GPM6A: variants seen among roughly 807,000 people sequenced by gnomAD.
The protein encoded by GPM6A is glycoprotein M6A.
A neutral mutation model predicts 32.1 loss-of-function variants in GPM6A; 7 were observed. The ratio of observed to expected loss-of-function variants is 0.22; its 90% confidence interval spans 0.12 to 0.41. The LOEUF (loss-of-function observed/expected upper bound fraction) is 0.41. GPM6A is among the 10% of genes least tolerant of loss of function. GPM6A has a pLI of 1.00. For missense variants in GPM6A, 235 were observed against 347.2 expected (o/e 0.68, Z 2.57); for synonymous variants, 130 against 123.4 (o/e 1.05, Z -0.35).
At chr4:175,642,635 T>C (rs1741215114) in intron 4 of GPM6A, among the ~76,000 whole-genome samples, 1 of 152,176 alleles carries the variant, frequency 6.6e-6, no homozygotes, top group South Asian at 2.1e-4. Context: ...GTTTTTGCCT[T>C]TCTGATCTCA....
At chr4:175,740,589 T>G (rs184474557) in intron 1 of GPM6A, among the ~76,000 whole-genome samples, 1 of 152,160 alleles carries the variant, frequency 6.6e-6, no homozygotes, top group Non-Finnish European at 1.5e-5. Context: ...TAGTGATACA[T>G]TTTGAGCTCT....
At chr4:175,697,445 G>A (rs1022275456) in intron 2 of GPM6A, among the ~76,000 whole-genome samples, 3 of 152,252 alleles carry the variant, frequency 2.0e-5, no homozygotes, top group East Asian at 3.9e-4. Context: ...GCAGAAAGCG[G>A]CAGAGCTGTT....
At chr4:175,999,773 G>A (rs1741418199) in intron 1 of GPM6A, among the ~76,000 whole-genome samples, 1 of 152,004 alleles carries the variant, frequency 6.6e-6, no homozygotes, top group African/African-American at 2.4e-5. Context: ...AAAAAAACTG[G>A]ATTCCATTTG....
chr4:175,759,847 A>G (rs989386205), intron 1 of GPM6A, among the ~76,000 whole-genome samples: 14 of 152,178 alleles, frequency 9.2e-5, no homozygotes, highest in African/African-American at 3.1e-4. Flanking sequence ...ATTATCTTTT[A>G]TAGACTATTA....
At chr4:175,886,459 AAG>A (rs1444862872) in intron 1 of GPM6A, among the ~76,000 whole-genome samples, 3 of 152,136 alleles carry the variant, frequency 2.0e-5, no homozygotes, top group Non-Finnish European at 4.4e-5. Context: ...ACCAACCCTG[AAG>A]GAGTTCCTAA....
At chr4:175,970,839 G>A (rs769666690) in intron 1 of GPM6A, 5 of 454,474 alleles carry the variant, frequency 1.1e-5, no homozygotes, top group Non-Finnish European at 2.2e-5. Context: ...GTCAGAAGAA[G>A]AAATCTTCCG....
chr4:175,857,370 A>T (rs1384450480), intron 1 of GPM6A, among the ~76,000 whole-genome samples: 1 of 152,226 alleles, frequency 6.6e-6, no homozygotes, highest in Non-Finnish European at 1.5e-5. Flanking sequence ...TATGTGAAGA[A>T]GTACAAAACC....
chr4:175,925,587 C>CATT (rs200173495), intron 1 of GPM6A, among the ~76,000 whole-genome samples: 5,245 of 151,962 alleles, frequency 0.035, 322 homozygotes, highest in African/African-American at 0.12. Flanking sequence ...AAATGTTCAT[C>CATT]GACAAAAAAT....
At chr4:175,657,241 G>A (rs1402432149) in intron 3 of GPM6A, among the ~76,000 whole-genome samples, 1 of 152,190 alleles carries the variant, frequency 6.6e-6, no homozygotes, top group Non-Finnish European at 1.5e-5. Context: ...AAATAGTTCA[G>A]AGTTTAATAA....
chr4:175,891,551 A>G (rs916469161), intron 1 of GPM6A: 3 of 152,224 alleles, frequency 2.0e-5, no homozygotes, highest in South Asian at 2.1e-4. Context: ...ATTCTCCATC[A>G]TCGAAATGTA....
intron 3 of GPM6A, among the ~76,000 whole-genome samples, chr4:175,657,581 C>T (rs948769007): frequency 2.0e-5 from 3 of 152,058 alleles, no homozygotes; most frequent in Non-Finnish European, 4.4e-5. Flanking sequence ...AGATGATAAG[C>T]CAGACACACC....
At chr4:175,933,398 G>A (rs796959631) in intron 1 of GPM6A, among the ~76,000 whole-genome samples, 19 of 152,248 alleles carry the variant, frequency 1.2e-4, no homozygotes, top group African/African-American at 3.9e-4. Flanking sequence ...CTGCTGTTGA[G>A]GATGTACAAT....
chr4:175,664,995 TG>T (rs1400701800), intron 3 of GPM6A, among the ~76,000 whole-genome samples: 1 of 152,190 alleles, frequency 6.6e-6, no homozygotes, highest in Non-Finnish European at 1.5e-5. Flanking sequence ...TGTAACAGGA[TG>T]GTAAGTATTT....
intron 1 of GPM6A, among the ~76,000 whole-genome samples, chr4:175,875,852 C>T (rs1495707): frequency 0.5 from 76,308 of 151,898 alleles, 21,035 homozygotes; most frequent in East Asian, 0.69. Context: ...TAAGTGCAAA[C>T]GGTATGGTGG....
At chr4:175,710,179 A>G (rs1040205068) in intron 1 of GPM6A, among the ~76,000 whole-genome samples, 3 of 152,108 alleles carry the variant, frequency 2.0e-5, no homozygotes, top group Non-Finnish European at 4.4e-5. Flanking sequence ...ATTTTGTTTC[A>G]TTAATTTCTA....
rs1194101388 is a variant in GPM6A at position 175,635,007 on chromosome 4, G to A, written c.735C>T (p.Ala245=). The change falls in exon 7 of 7, where the codon GCC becomes GCT. Residue 245 remains alanine, a synonymous_variant. Coordinates refer to ENST00000393658, the MANE Select transcript of GPM6A (RefSeq NM_201591.3). ...TGTCTTCATACTTCTGCATCCGGCA[G>A]GCGTCTTTCACATAGGCCCAGTTGG... The part of the protein sequence containing the change: ...LSANWAYVKD[A]CRMQKYEDIK... 4 of 1,613,696 alleles carry A rather than the reference G, an allele frequency of 2.5e-6. No homozygotes were observed. The South Asian group carries it at 4.4e-5, about 18-fold the overall frequency.
intron 2 of GPM6A, among the ~76,000 whole-genome samples, chr4:175,678,620 C>T (rs1355035577): frequency 3.3e-5 from 5 of 152,074 alleles, no homozygotes; most frequent in South Asian, 2.1e-4. Flanking sequence ...ACTTTCACTG[C>T]CTGAAAGTCT....
upstream of GPM6A, among the ~76,000 whole-genome samples, chr4:175,816,891 C>T (rs1579535528): frequency 5.3e-5 from 8 of 151,708 alleles, no homozygotes; most frequent in South Asian, 1.7e-3. Context: ...GACGGAGTCT[C>T]GCTCAAAGCC....
intron 1 of GPM6A, among the ~76,000 whole-genome samples, chr4:175,759,801 AG>A (rs1194443537): frequency 2.6e-5 from 4 of 152,176 alleles, no homozygotes; most frequent in African/African-American, 9.6e-5. Context: ...TGTATTAATG[AG>A]GGGATATAGC....
Sources: gnomAD v4.1 joint callset for allele counts (sites outside exome capture counted in the v4.1 genomes callset) on GRCh38, gnomAD v4.1.1 for gene constraint, MANE v1.5 for transcripts, NCBI Gene and HGNC (gene_info 2026-07-23, HGNC 2026-07-21) for gene names.